MAP2: variants seen among roughly 807,000 people sequenced by gnomAD.
MAP2 encodes the protein microtubule-associated protein 2.
Under a neutral mutation model 137.6 loss-of-function variants are expected in MAP2, and 14 were observed. The ratio of observed to expected loss-of-function variants is 0.10; its 90% CI spans 0.07 to 0.16. The LOEUF (loss-of-function observed/expected upper bound fraction) is 0.16. Among genes scored for constraint, MAP2 ranks in the 10% least tolerant of loss-of-function variants. The probability of loss-of-function intolerance (pLI) is 1.00; values close to 1 mark genes in which losing one functional copy is unlikely to be tolerated. For synonymous variants in MAP2, 786 were observed against 782.3 expected, an observed-to-expected ratio of 1.00 and a Z score of -0.08; for missense variants, 2,088 against 2,191.5, an observed-to-expected ratio of 0.95 and a Z score of 0.94.
intron 5 of MAP2, among the ~76,000 whole-genome samples, chr2:209,676,552 C>T (rs2051587389): frequency 6.6e-6 from 1 of 151,246 alleles, no homozygotes; most frequent in Admixed American, 6.6e-5. Context: ...AGAATTGTGA[C>T]AATGACAGAA....
chr2:209,497,298 C>T (rs2059865177), intron 1 of MAP2, among the ~76,000 whole-genome samples: 1 of 152,152 alleles, frequency 6.6e-6, no homozygotes, highest in Non-Finnish European at 1.5e-5. Context: ...TAAATTTCCC[C>T]ACCCATCTTC....
intron 13 of MAP2, among the ~76,000 whole-genome samples, chr2:209,711,460 G>A (rs2065433751): frequency 6.6e-6 from 1 of 152,172 alleles, no homozygotes; most frequent in Non-Finnish European, 1.5e-5. Flanking sequence ...AATGGGGCAG[G>A]AGGGGAGAGG....
intron 3 of MAP2, among the ~76,000 whole-genome samples, chr2:209,589,608 AC>A (rs2078712506): frequency 2.0e-5 from 3 of 152,304 alleles, no homozygotes; most frequent in Middle Eastern, 3.4e-3. Context: ...TAAAAATAGC[AC>A]AGTCTTTACT....
intron 1 of MAP2, among the ~76,000 whole-genome samples, 194 bp from the exon 2 acceptor site, chr2:209,507,398 T>C (rs2061205072): frequency 6.6e-6 from 1 of 152,156 alleles, no homozygotes; most frequent in East Asian, 1.9e-4. Context: ...TTCAATAAAA[T>C]GTAGAACGTA....
intron 1 of MAP2, among the ~76,000 whole-genome samples, chr2:209,491,046 G>A (rs903190184): frequency 5.3e-5 from 8 of 151,970 alleles, no homozygotes; most frequent in Admixed American, 1.3e-4. Context: ...CCACATAATC[G>A]GAAGTAAAAC....
intron 11 of MAP2, among the ~76,000 whole-genome samples, chr2:209,703,208 C>G (rs1273623152): frequency 6.6e-6 from 1 of 152,050 alleles, no homozygotes; most frequent in Non-Finnish European, 1.5e-5. Flanking sequence ...ATAACTTAAT[C>G]CACAGTATGT....
intron 3 of MAP2, among the ~76,000 whole-genome samples, chr2:209,594,485 G>C (rs2080697634): frequency 6.6e-6 from 1 of 151,842 alleles, no homozygotes; most frequent in African/African-American, 2.4e-5. Flanking sequence ...GTTTCTTCAG[G>C]GTCCTACTAT....
intron 3 of MAP2, among the ~76,000 whole-genome samples, chr2:209,601,366 A>AT (rs1441484645): frequency 6.6e-6 from 1 of 152,116 alleles, no homozygotes; most frequent in Non-Finnish European, 1.5e-5. Flanking sequence ...TACATCTTAC[A>AT]TAAAAATAAA....
chr2:209,640,519 C>T (rs975518041), intron 4 of MAP2, among the ~76,000 whole-genome samples: 1 of 149,394 alleles, frequency 6.7e-6, no homozygotes, highest in South Asian at 2.1e-4. Context: ...AACACGTTCA[C>T]TGATAAGGAA....
rs934720914 is a variant in MAP2 at position 209,557,299 on chromosome 2, A to T, written c.-171-22737A>T. 1.3e-5 allele frequency among the ~76,000 whole-genome samples: 2 copies of T among 152,238 alleles called. 1 individual carries two copies. The highest frequency in any genetic ancestry group is 1.3e-4 in the Admixed American group (2 of 15,288). On this transcript the variant is annotated intron_variant, in intron 2 of 15. Coordinates refer to ENST00000682079, the MANE Select transcript of MAP2 (RefSeq NM_001375505.1). ...GGCTGTACTGAGAAGACTAAACTTT[A>T]GTCCAGTATGTGAGTCTCATGACAA... is the stretch of plus-strand genomic sequence containing the variant.
In MAP2 at chr2:209,729,895, A is replaced by G; in HGVS notation, c.5201A>G (p.Glu1734Gly). 6.2e-7 allele frequency: 1 copy of G among 1,613,632 alleles called. No individual in the cohort carries two copies. Among genetic ancestry groups the G allele is most frequent in the Non-Finnish European group, 8.5e-7 (1 of 1,179,612 alleles). ...GAGAGTGTAAAACTAGATTTCAAAGAAAAGGCCCAAGCTAAAGTTGGTTCT... is the reference window on the plus strand; with the variant it reads ...GAGAGTGTAAAACTAGATTTCAAAGGAAAGGCCCAAGCTAAAGTTGGTTCT... ...KIESVKLDFK[E>G]KAQAKVGSLD... is the part of the protein sequence containing the mutation. The change falls in exon 15 of 16, where the codon GAA becomes GGA. Residue 1734 changes from glutamate (E) to glycine (G), a missense_variant. By Grantham distance (98) the Glu-to-Gly change is moderately conservative. Around this residue, in one of 6 missense-constraint regions of MAP2, gnomAD observed 112 missense variants for 201.0 expected, o/e 0.56. Coordinates refer to ENST00000682079, the MANE Select transcript of MAP2 (RefSeq NM_001375505.1).
At chr2:209,484,487 C>G (rs1187567515) in intron 1 of MAP2, among the ~76,000 whole-genome samples, 2 of 152,092 alleles carry the variant, frequency 1.3e-5, no homozygotes. Flanking sequence ...GTCAGCAGTT[C>G]GAGACCAGCC....
At chr2:209,514,354 T>C (rs1233558711) in intron 2 of MAP2, among the ~76,000 whole-genome samples, 1 of 152,060 alleles carries the variant, frequency 6.6e-6, no homozygotes, top group African/African-American at 2.4e-5. Flanking sequence ...TTTTTTCATG[T>C]GGGAAAAGAA....
At chr2:209,532,174 G>C (rs535103878) in intron 2 of MAP2, among the ~76,000 whole-genome samples, 2 of 151,120 alleles carry the variant, frequency 1.3e-5, no homozygotes, top group East Asian at 3.9e-4. Context: ...GGAGGTGGAG[G>C]CTGCAGTGAG....
At chr2:209,429,179 T>C (rs1693530008) in intron 1 of MAP2, among the ~76,000 whole-genome samples, 1 of 151,892 alleles carries the variant, frequency 6.6e-6, no homozygotes, top group South Asian at 2.1e-4. Flanking sequence ...GATCTCGATC[T>C]CCTGACCTCG....
chr2:209,561,791 C>G (rs1203727335), intron 2 of MAP2, among the ~76,000 whole-genome samples: 1 of 152,136 alleles, frequency 6.6e-6, no homozygotes, highest in Non-Finnish European at 1.5e-5. Context: ...CTTTAACTTT[C>G]TTCTTTTGAG....
At chr2:209,627,536 T>C (rs2092504267) in intron 4 of MAP2, among the ~76,000 whole-genome samples, 1 of 152,174 alleles carries the variant, frequency 6.6e-6, no homozygotes, top group African/African-American at 2.4e-5. Flanking sequence ...TCAGGTAACT[T>C]ACTCAAGATC....
At chr2:209,500,184 T>C (rs1274157138) in intron 1 of MAP2, among the ~76,000 whole-genome samples, 1 of 152,222 alleles carries the variant, frequency 6.6e-6, no homozygotes, top group Non-Finnish European at 1.5e-5. Context: ...TTCCTAATTA[T>C]GCCATTCTTG....
intron 3 of MAP2, among the ~76,000 whole-genome samples, chr2:209,601,898 A>G (rs1244226527): frequency 6.6e-6 from 1 of 152,222 alleles, no homozygotes; most frequent in East Asian, 1.9e-4. Context: ...GTAAATTGCC[A>G]AAAAGACTCC....
Sources: allele counts gnomAD v4.1 joint callset (sites outside exome capture counted in the v4.1 genomes callset), GRCh38; gene constraint gnomAD v4.1.1; regional missense constraint gnomAD v4.1.1; transcripts MANE v1.5; gene names NCBI Gene and HGNC (gene_info 2026-07-23, HGNC 2026-07-21).